NWD2: variants seen among roughly 807,000 people sequenced by gnomAD.
NWD2 encodes the protein NACHT and WD repeat domain containing 2.
NWD2 carries 37 observed loss-of-function variants against 132.7 expected under a neutral mutation model. The observed-to-expected ratio is 0.28, with a 90% CI of 0.21 to 0.37. The LOEUF (loss-of-function observed/expected upper bound fraction) is 0.37, where lower values mean the gene tolerates loss of function less well. Among genes scored for constraint, NWD2 ranks in the 10% least tolerant of loss-of-function variants. The pLI is 1.00. For synonymous variants in NWD2, 705 were observed against 803.0 expected (o/e 0.88, Z 2.06); for missense variants, 1,592 against 2,122.4 (o/e 0.75, Z 4.91).
At chr4:37,272,229 T>C (rs1347965556) in intron 1 of NWD2, among the ~76,000 whole-genome samples, 4 of 151,746 alleles carry the variant, frequency 2.6e-5, no homozygotes, top group Non-Finnish European at 5.9e-5. Flanking sequence ...GATCTTTTTG[T>C]TTGTTTTCTC....
chr4:37,247,668 G>C (rs1717272370), intron 1 of NWD2, among the ~76,000 whole-genome samples: 1 of 151,920 alleles, frequency 6.6e-6, no homozygotes, highest in Admixed American at 6.6e-5. Context: ...GGAGTGCAGT[G>C]GCGCAATCTC....
intron 1 of NWD2, among the ~76,000 whole-genome samples, chr4:37,260,138 G>A (rs1380535568): frequency 6.6e-6 from 1 of 152,164 alleles, no homozygotes; most frequent in Non-Finnish European, 1.5e-5. Flanking sequence ...TTTCACTAGA[G>A]AGCGTTCTTG....
chr4:37,430,788 T>TC lies in NWD2; in HGVS notation c.561+16dup. 1.3e-6 allele frequency: 2 copies of TC among 1,548,462 alleles called. No individual in the cohort carries two copies. Among genetic ancestry groups the TC allele is most frequent in the Non-Finnish European group, 1.7e-6 (2 of 1,144,204 alleles). ...CAATAGAAATGCAGTAAGCTGCCTT[T>TC]CCCTCAAGCCTATGGATCTGTCCAT... On this transcript the variant is annotated intron_variant, in intron 4 of 6. Coordinates refer to ENST00000309447, the MANE Select transcript of NWD2 (RefSeq NM_001144990.2).
intron 1 of NWD2, among the ~76,000 whole-genome samples, chr4:37,282,837 A>T (rs1017488110): frequency 5.3e-5 from 8 of 152,136 alleles, no homozygotes; most frequent in Non-Finnish European, 1.5e-5. Context: ...TATTTTTAGC[A>T]TTGTTGTGTG....
chr4:37,373,180 A>G (rs957242844), intron 3 of NWD2, among the ~76,000 whole-genome samples: 40 of 152,242 alleles, frequency 2.6e-4, no homozygotes, highest in African/African-American at 9.6e-4. Flanking sequence ...AGGTGCTAAT[A>G]TTAGTCCCAT....
intron 3 of NWD2, among the ~76,000 whole-genome samples, chr4:37,415,981 A>G (rs1281313147): frequency 2.0e-5 from 3 of 152,220 alleles, no homozygotes; most frequent in African/African-American, 7.2e-5. Flanking sequence ...CCCTTGGAAC[A>G]GTGGATCAGC....
At chr4:37,279,487 A>G (rs752763214) in intron 1 of NWD2, among the ~76,000 whole-genome samples, 2 of 152,236 alleles carry the variant, frequency 1.3e-5, no homozygotes, top group Non-Finnish European at 2.9e-5. Flanking sequence ...TGAAATTACT[A>G]TAACATCTAG....
At chr4:37,304,263 C>T (rs1718664802) in intron 1 of NWD2, among the ~76,000 whole-genome samples, 1 of 152,122 alleles carries the variant, frequency 6.6e-6, no homozygotes, top group Non-Finnish European at 1.5e-5. Flanking sequence ...AGTTTGCCCC[C>T]ATTATTCAAT....
At chr4:37,371,151 C>A (rs1720221531) in intron 3 of NWD2, among the ~76,000 whole-genome samples, 1 of 141,230 alleles carries the variant, frequency 7.1e-6, no homozygotes, top group Non-Finnish European at 1.5e-5. Flanking sequence ...AATCTCGGCT[C>A]ACTGCCATCT....
chr4:37,424,611 G>C (rs1284159590), intron 3 of NWD2, among the ~76,000 whole-genome samples: 1 of 152,218 alleles, frequency 6.6e-6, no homozygotes, highest in Non-Finnish European at 1.5e-5. Flanking sequence ...ATATGCTTCA[G>C]CTTGTTACAG....
intron 2 of NWD2, among the ~76,000 whole-genome samples, chr4:37,337,483 C>G (rs1041966342): frequency 4.3e-4 from 65 of 152,252 alleles, no homozygotes; most frequent in African/African-American, 1.5e-3. Flanking sequence ...AAGATCTTGC[C>G]CGCAACTACT....
At chr4:37,400,512 A>G (rs577224826) in intron 3 of NWD2, among the ~76,000 whole-genome samples, 1 of 152,330 alleles carries the variant, frequency 6.6e-6, no homozygotes, top group Admixed American at 6.5e-5. Context: ...CAATAGAAAA[A>G]TGTACCTGAT....
At chr4:37,348,665 T>C (rs1447282716) in intron 2 of NWD2, among the ~76,000 whole-genome samples, 790 of 68,840 alleles carry the variant, frequency 0.011, 38 homozygotes, top group African/African-American at 0.041. Flanking sequence ...TATATATATA[T>C]ATATATATAT....
intron 2 of NWD2, among the ~76,000 whole-genome samples, chr4:37,341,455 A>T (rs1436038834): frequency 6.6e-6 from 1 of 152,242 alleles, no homozygotes. Context: ...CTATATAATT[A>T]TACATGTTGT....
chr4:37,379,769 G>C (rs1347611813), intron 3 of NWD2, among the ~76,000 whole-genome samples: 1 of 152,132 alleles, frequency 6.6e-6, no homozygotes, highest in Non-Finnish European at 1.5e-5. Context: ...TACAAATGAA[G>C]GTGTAACTGT....
rs28492672 is a variant in NWD2, at chr4:37,280,953, A to G, written c.151+35735A>G. On this transcript the variant is annotated intron_variant, in intron 1 of 6. Transcript: ENST00000309447. Reference sequence around the variant, plus strand: ...GTGGCTCACAGGGTGCATACATCACAGCAAGCTGGAGGAGTAGGAAACCCA... The same window carrying G: ...GTGGCTCACAGGGTGCATACATCACGGCAAGCTGGAGGAGTAGGAAACCCA... 7.1e-3 allele frequency among the ~76,000 whole-genome samples: 1,074 copies of G among 152,240 alleles called. 14 individuals are homozygous for G. The highest frequency in any genetic ancestry group is 0.025 in the African/African-American group (1,023 of 41,540).
chr4:37,405,152 G>C (rs1348314521), intron 3 of NWD2, among the ~76,000 whole-genome samples: 1 of 152,112 alleles, frequency 6.6e-6, no homozygotes, highest in Non-Finnish European at 1.5e-5. Context: ...TCAAATCAAT[G>C]TCACCCACCT....
chr4:37,250,340 C>G (rs1717333529), intron 1 of NWD2, among the ~76,000 whole-genome samples: 1 of 152,136 alleles, frequency 6.6e-6, no homozygotes, highest in South Asian at 2.1e-4. Context: ...AGACGTTATT[C>G]AAGTGGAGAA....
chr4:37,360,541 A>T (rs189609381), intron 3 of NWD2, among the ~76,000 whole-genome samples: 57 of 152,310 alleles, frequency 3.7e-4, no homozygotes, highest in African/African-American at 1.2e-3. Context: ...ATCCCCAAGG[A>T]GGGATTCTGA....
Sources: gnomAD v4.1 joint callset for allele counts (sites outside exome capture counted in the v4.1 genomes callset) on GRCh38, gnomAD v4.1.1 for gene constraint, MANE v1.5 for transcripts, NCBI Gene and HGNC (gene_info 2026-07-23, HGNC 2026-07-21) for gene names.